The following TAMM41 variants were observed in gnomAD, a reference collection of about 807,000 sequenced individuals.
The protein encoded by TAMM41 is TAM41 mitochondrial translocator assembly and maintenance homolog.
In TAMM41, 36 loss-of-function variants were observed where a neutral mutation model predicts 44.1. The observed-to-expected ratio is 0.82, with a 90% CI of 0.63 to 1.08. The LOEUF (loss-of-function observed/expected upper bound fraction) is 1.08, where lower values mean the gene tolerates loss of function less well. Ranked by LOEUF, TAMM41 falls within the 50% of genes least tolerant of loss-of-function variation. TAMM41 has a pLI of 0.00. For synonymous variants in TAMM41, 164 were observed against 153.1 expected (o/e 1.07, Z -0.53); for missense variants, 417 against 404.3 (o/e 1.03, Z -0.27).
At chr3:11,770,878 GTCCC>G in the TAMM41 span, among the ~76,000 whole-genome samples, 2 of 152,268 alleles carry the variant, frequency 1.3e-5, no homozygotes, top group Admixed American at 1.3e-4. Flanking sequence ...TCTCCCCCTA[GTCCC>G]AGGTGTCTCT....
chr3:11,733,179 G>A, the TAMM41 span, among the ~76,000 whole-genome samples: 5,265 of 150,662 alleles, frequency 0.035, 298 homozygotes, highest in African/African-American at 0.12. Flanking sequence ...TTGTATTTTT[G>A]GTATAGGCAG....
Position 11,832,657 on chromosome 3 carries a change from C to T in TAMM41, c.412-2793G>A, listed in dbSNP as rs567111346. Among the ~76,000 whole-genome samples, 6 of 152,218 alleles carry T rather than the reference C, an allele frequency of 3.9e-5. No homozygotes were observed. The South Asian group carries it at 8.3e-4, about 21-fold the overall frequency. On this transcript the variant is annotated intron_variant, in intron 3 of 7. Transcript: ENST00000455809. Reference sequence around the variant, plus strand: ...AAGATTTCTCCAAGAGAAGTAGTGGCGAACTGGACCGGGATCCAGTCCCAG... The same window carrying T: ...AAGATTTCTCCAAGAGAAGTAGTGGTGAACTGGACCGGGATCCAGTCCCAG...
downstream of TAMM41, among the ~76,000 whole-genome samples, chr3:11,785,700 G>C (rs879593256): frequency 3.3e-5 from 5 of 151,822 alleles, no homozygotes; most frequent in East Asian, 9.8e-4. Flanking sequence ...CTGCAGCCTT[G>C]ACCTCCCGGG....
chr3:11,833,153 T>C lies in TAMM41; in HGVS notation c.412-3289A>G, dbSNP rs557582294. ...CTCTTGGGACACTGCCAGAGAGGCC[T>C]GGGAAAAAAAGAAAGTGCTCAGATT... is the stretch of plus-strand genomic sequence containing the variant. On this transcript the variant is annotated intron_variant, in intron 3 of 7. Coordinates refer to ENST00000455809, the MANE Select transcript of TAMM41 (RefSeq NM_001284401.2). The C allele has an allele frequency of 1.0e-4, 132 of 1,284,372 alleles. No individual in the cohort carries two copies. In the African/African-American group the frequency reaches 1.8e-3, roughly 17 times the overall value. The allele number at this position is 1,284,372 out of a possible 1,614,324, so 79.6% of individuals were successfully genotyped here.
At chr3:11,764,358 T>C in the TAMM41 span, among the ~76,000 whole-genome samples, 1 of 151,912 alleles carries the variant, frequency 6.6e-6, no homozygotes, top group Non-Finnish European at 1.5e-5. Context: ...CTGCTTTGCG[T>C]TCCCAGTGGC....
At chr3:11,766,506 G>A in the TAMM41 span, among the ~76,000 whole-genome samples, 2 of 151,958 alleles carry the variant, frequency 1.3e-5, no homozygotes. Flanking sequence ...ACAGAAAAGA[G>A]GTAGAGTATG....
At chr3:11,845,715 A>C (rs1416328882) in intron 1 of TAMM41, among the ~76,000 whole-genome samples, 3 of 152,220 alleles carry the variant, frequency 2.0e-5, no homozygotes, top group Non-Finnish European at 2.9e-5. Flanking sequence ...GTGAACAGGC[A>C]GGATGTTAAT....
intron 3 of TAMM41, among the ~76,000 whole-genome samples, chr3:11,838,270 G>A (rs1217874446): frequency 6.6e-6 from 1 of 152,132 alleles, no homozygotes. Flanking sequence ...GCTGGGGTGC[G>A]GTGGTGTGAT....
the TAMM41 span, among the ~76,000 whole-genome samples, chr3:11,729,539 A>ATTTT: frequency 1.2e-3 from 38 of 32,294 alleles, 3 homozygotes; most frequent in Admixed American, 3.3e-3. Flanking sequence ...TCTTTCTTTC[A>ATTTT]TTTTTTTTTT....
chr3:11,808,061 T>C, intron 6 of TAMM41, 166 bp from the exon 7 acceptor site: 1 of 1,342,136 alleles, frequency 7.5e-7, no homozygotes, highest in Middle Eastern at 2.6e-4. Context: ...GCAGTGGGAT[T>C]GAGGGCCAGG....
the TAMM41 span, among the ~76,000 whole-genome samples, chr3:11,743,492 C>G: frequency 6.6e-6 from 1 of 152,032 alleles, no homozygotes; most frequent in Non-Finnish European, 1.5e-5. Flanking sequence ...CACCACCATG[C>G]CGGGTCAATT....
At chr3:11,752,035 A>G in the TAMM41 span, among the ~76,000 whole-genome samples, 3 of 152,156 alleles carry the variant, frequency 2.0e-5, no homozygotes, top group Non-Finnish European at 4.4e-5. Flanking sequence ...GGCAGGTGCT[A>G]AGCATCAGAG....
the TAMM41 span, among the ~76,000 whole-genome samples, chr3:11,737,707 CA>C: frequency 3.3e-5 from 5 of 152,132 alleles, no homozygotes; most frequent in African/African-American, 1.2e-4. Flanking sequence ...AGCTTTTAAG[CA>C]GCTATAAAAC....
At position 11,792,155 on chromosome 3, in the gene TAMM41, G is replaced by A. The variant is rs150050668; in HGVS notation, c.938-1574C>T. Among the ~76,000 whole-genome samples, 730 of 151,144 alleles carry A rather than the reference G, an allele frequency of 4.8e-3. 5 individuals are homozygous for A. Among genetic ancestry groups the A allele is most frequent in the African/African-American group, 0.017 (698 of 40,804 alleles). On this transcript the variant is annotated intron_variant, in intron 7 of 7. Coordinates refer to ENST00000455809, the MANE Select transcript of TAMM41 (RefSeq NM_001284401.2). ...TTTAAGGTAAATACATAAAGTAGAA[G>A]AGTGTCACCATGTAGCCATTTTTTT...
chr3:11,789,425 G>A (rs116067761), downstream of TAMM41, among the ~76,000 whole-genome samples: 389 of 152,328 alleles, frequency 2.6e-3, 3 homozygotes, highest in Non-Finnish European at 4.7e-3. Flanking sequence ...ACAAGCTGAG[G>A]TTCAATCAAA....
chr3:11,772,748 T>A, the TAMM41 span, among the ~76,000 whole-genome samples: 1 of 152,152 alleles, frequency 6.6e-6, no homozygotes, highest in Non-Finnish European at 1.5e-5. Context: ...CCATAATGTT[T>A]TTCATAGAGT....
chr3:11,723,700 A>G, the TAMM41 span, among the ~76,000 whole-genome samples: 1 of 152,322 alleles, frequency 6.6e-6, no homozygotes, highest in African/African-American at 2.4e-5. Context: ...TACATTTTGT[A>G]TTATGTATAT....
chr3:11,749,385 C>T, the TAMM41 span, among the ~76,000 whole-genome samples: 1 of 152,294 alleles, frequency 6.6e-6, no homozygotes, highest in South Asian at 2.1e-4. Flanking sequence ...ATCTTGTATT[C>T]ATAATCCTTG....
intron 1 of TAMM41, chr3:11,845,220 T>C (rs2079629289): frequency 5.9e-6 from 2 of 337,836 alleles, no homozygotes; most frequent in Non-Finnish European, 1.2e-5. Flanking sequence ...GTGGGGGAAT[T>C]AGATCTGAAG....
Sources: gnomAD v4.1 joint callset for allele counts (sites outside exome capture counted in the v4.1 genomes callset) on GRCh38, gnomAD v4.1.1 for gene constraint, MANE v1.5 for transcripts, NCBI Gene and HGNC (gene_info 2026-07-23, HGNC 2026-07-21) for gene names.